FAM53A: variants seen among roughly 807,000 people sequenced by gnomAD.
The protein encoded by FAM53A is protein FAM53A.
In FAM53A, 28 loss-of-function variants were observed where a neutral mutation model predicts 26.6. The ratio of observed to expected loss-of-function variants is 1.05; its 90% CI spans 0.78 to 1.45. The LOEUF (loss-of-function observed/expected upper bound fraction) is 1.45, where lower values mean the gene tolerates loss of function less well. Ranked by LOEUF, FAM53A falls within the 40% of genes most tolerant of loss-of-function variation. The probability of loss-of-function intolerance (pLI) is 0.00; values close to 1 mark genes in which losing one functional copy is unlikely to be tolerated. For missense variants in FAM53A, 650 were observed against 575.8 expected, an observed-to-expected ratio of 1.13 and a Z score of -1.32; for synonymous variants, 290 against 253.1, an observed-to-expected ratio of 1.15 and a Z score of -1.38.
chr4:1,648,722 C>T (rs111841537), intron 4 of FAM53A, among the ~76,000 whole-genome samples: 100 of 152,312 alleles, frequency 6.6e-4, no homozygotes, highest in African/African-American at 2.3e-3. Flanking sequence ...AGCAAATAAA[C>T]GAAAAGCTTT....
In FAM53A at chr4:1,655,070, C is replaced by A. The variant is rs766673560; in HGVS notation, c.790G>T (p.Val264Leu). The change falls in exon 4 of 5, where the codon GTG (valine) becomes TTG (leucine). Residue 264 changes from valine (V) to leucine (L), a missense_variant. Physicochemically the swap from Val to Leu is conservative, Grantham distance 32. Transcript: ENST00000308132. ...CGCCGGCTCCTCTTCCCACTGAGCA[C>A]GCAAGGCTGTGAGCGGCACCGGAGC... ...GLLRCRSQPC[V>L]LSGKRSRRKR... is the part of the protein sequence containing the mutation. The A allele has an allele frequency of 8.7e-6, 14 of 1,601,416 alleles. No homozygotes were observed. The South Asian group carries it at 1.2e-4, about 14-fold the overall frequency.
At chr4:1,595,723 C>T in the FAM53A span, among the ~76,000 whole-genome samples, 1 of 152,268 alleles carries the variant, frequency 6.6e-6, no homozygotes, top group East Asian at 1.9e-4. Context: ...GCCCGGTCCC[C>T]AGTCCAGCCG....
the FAM53A span, among the ~76,000 whole-genome samples, chr4:1,581,388 C>G: frequency 6.6e-6 from 1 of 152,228 alleles, no homozygotes; most frequent in African/African-American, 2.4e-5. Flanking sequence ...AATGTCCCCT[C>G]CCTTACAGAA....
chr4:1,649,554 C>G (rs1336796247), intron 4 of FAM53A, among the ~76,000 whole-genome samples: 3 of 152,250 alleles, frequency 2.0e-5, no homozygotes, highest in Non-Finnish European at 1.5e-5. Context: ...ACACAGGGCT[C>G]TGTGGGGCCC....
At chr4:1,620,926 A>C (rs1316860934) in intron 1 of FAM53A, among the ~76,000 whole-genome samples, 1 of 152,034 alleles carries the variant, frequency 6.6e-6, no homozygotes, top group Non-Finnish European at 1.5e-5. Context: ...CCACATACGT[A>C]GGCAACCTCT....
At chr4:1,605,203 T>C in the FAM53A span, among the ~76,000 whole-genome samples, 2 of 150,986 alleles carry the variant, frequency 1.3e-5, no homozygotes, top group African/African-American at 2.4e-5. This position sits in a 1 kb window ranked among gnomAD's most constrained non-coding sequence, Gnocchi z 5.7. Context: ...GCGGTGGGGG[T>C]GGGGTTGTTT....
chr4:1,637,671 A>G (rs572158435), downstream of FAM53A, among the ~76,000 whole-genome samples: 1 of 151,660 alleles, frequency 6.6e-6, no homozygotes, highest in African/African-American at 2.4e-5. Flanking sequence ...GGGCCACTGC[A>G]GCAGTGCTGG....
intron 1 of FAM53A, among the ~76,000 whole-genome samples, chr4:1,629,798 G>A (rs1252950458): frequency 6.6e-6 from 1 of 152,192 alleles, no homozygotes; most frequent in Non-Finnish European, 1.5e-5. Context: ...CCCGGAAGCA[G>A]CTCTGAGAAC....
chr4:1,679,802 A>C (rs917682726), intron 1 of FAM53A, among the ~76,000 whole-genome samples: 7 of 151,176 alleles, frequency 4.6e-5, no homozygotes, highest in Admixed American at 2.0e-4. Flanking sequence ...TAATCCCAGC[A>C]CTTTGGGAGA....
At chr4:1,611,638 G>A in the FAM53A span, among the ~76,000 whole-genome samples, 2 of 152,238 alleles carry the variant, frequency 1.3e-5, no homozygotes, top group Admixed American at 6.5e-5. Context: ...TGCTCCATGT[G>A]CCAGCAGCAG....
At chr4:1,651,283 G>A (rs146937267) in intron 4 of FAM53A, among the ~76,000 whole-genome samples, 8,322 of 151,024 alleles carry the variant, frequency 0.055, 290 homozygotes, top group Non-Finnish European at 0.085. Flanking sequence ...TGTAATCCCA[G>A]CAATTTGGGA....
chr4:1,629,227 G>C (rs1168823241), intron 1 of FAM53A, among the ~76,000 whole-genome samples: 3 of 152,214 alleles, frequency 2.0e-5, no homozygotes, highest in East Asian at 3.9e-4. Flanking sequence ...GACCCCAGGG[G>C]GTCTGCACTC....
chr4:1,594,047 G>T, the FAM53A span, among the ~76,000 whole-genome samples: 1 of 152,090 alleles, frequency 6.6e-6, no homozygotes, highest in African/African-American at 2.4e-5. Flanking sequence ...CGGGGCCAAG[G>T]GTGAGCAGAG....
At chr4:1,576,218 C>T in the FAM53A span, among the ~76,000 whole-genome samples, 8 of 152,244 alleles carry the variant, frequency 5.3e-5, no homozygotes, top group African/African-American at 1.9e-4. Context: ...CTATCTATCA[C>T]GCGGCTGCCT....
At chr4:1,644,569 T>G in intron 4 of FAM53A, 2 of 489,426 alleles carry the variant, frequency 4.1e-6, no homozygotes, top group Non-Finnish European at 3.5e-6. Flanking sequence ...TCGCGCCCCC[T>G]GTCCCTGGGC....
At chr4:1,650,680 G>C (rs1296737449) in intron 4 of FAM53A, among the ~76,000 whole-genome samples, 1 of 151,594 alleles carries the variant, frequency 6.6e-6, no homozygotes, top group East Asian at 2.0e-4. Context: ...ATTTTTAGTA[G>C]AGGCGGGGTT....
At chr4:1,675,546 T>C (rs1714984392) in intron 1 of FAM53A, among the ~76,000 whole-genome samples, 1 of 151,960 alleles carries the variant, frequency 6.6e-6, no homozygotes, top group Non-Finnish European at 1.5e-5. Context: ...GCACCGTAAA[T>C]CCCTTCCTTG....
intron 1 of FAM53A, among the ~76,000 whole-genome samples, chr4:1,620,906 C>T (rs967064783): frequency 6.6e-5 from 10 of 152,114 alleles, no homozygotes; most frequent in African/African-American, 2.2e-4. Context: ...GGATCGGGTC[C>T]CCAGGGTCAC....
intron 1 of FAM53A, among the ~76,000 whole-genome samples, chr4:1,625,710 CCATGTGGTCAGGGT>C (rs1474787084): frequency 0.012 from 1,711 of 142,682 alleles, 25 homozygotes; most frequent in South Asian, 0.019. Context: ...ACGTACCAGC[CCATGTGGTCAGGGT>C]CACGCCAGGT....
Sources: allele counts gnomAD v4.1 joint callset (sites outside exome capture counted in the v4.1 genomes callset), GRCh38; gene constraint gnomAD v4.1.1; non-coding constraint Gnocchi (gnomAD v3.1); transcripts MANE v1.5; gene names NCBI Gene and HGNC (gene_info 2026-07-23, HGNC 2026-07-21).